The following EPG5 variants were observed in gnomAD, a reference collection of about 807,000 sequenced individuals.
EPG5 encodes the protein ectopic P-granules 5 autophagy tethering factor.
EPG5 carries 159 observed loss-of-function variants against 302.7 expected under a neutral mutation model. The ratio of observed to expected loss-of-function variants is 0.53; its 90% confidence interval spans 0.46 to 0.60. The LOEUF (loss-of-function observed/expected upper bound fraction) is 0.60, where lower values mean the gene tolerates loss of function less well. Among genes scored for constraint, EPG5 ranks in the 20% least tolerant of loss-of-function variants. EPG5 has a pLI of 0.00. For synonymous variants in EPG5, 1,158 were observed against 1,136.8 expected (o/e 1.02, Z -0.37); for missense variants, 2,896 against 3,092.4 (o/e 0.94, Z 1.51).
At chr18:45,866,740 T>G (rs1022068785) in intron 38 of EPG5, 58 bp downstream of exon 38, 39 of 1,358,310 alleles carry the variant, frequency 2.9e-5, no homozygotes, top group Non-Finnish European at 4.0e-5. Flanking sequence ...TTGTAGCACT[T>G]ATGCTGCTAC....
chr18:45,805,064 C>T, the EPG5 span, among the ~76,000 whole-genome samples: 53 of 151,952 alleles, frequency 3.5e-4, no homozygotes, highest in Non-Finnish European at 6.6e-4. Flanking sequence ...TTAGAGCGGA[C>T]ATTGGGTAAA....
At chr18:45,894,676 A>C (rs540196089) in intron 27 of EPG5, among the ~76,000 whole-genome samples, 171 of 152,326 alleles carry the variant, frequency 1.1e-3, no homozygotes, top group Non-Finnish European at 2.1e-3. Flanking sequence ...GAAAGAGGTC[A>C]GAAATGGGTG....
chr18:45,887,978 C>A, intron 28 of EPG5, 71 bp from the exon 29 acceptor site: 7 of 1,187,530 alleles, frequency 5.9e-6, no homozygotes, highest in Non-Finnish European at 7.9e-6. Context: ...TTCTTTGATA[C>A]CCTACAATTT....
intron 5 of EPG5, among the ~76,000 whole-genome samples, chr18:45,948,796 T>A (rs2050842350): frequency 6.6e-6 from 1 of 152,128 alleles, no homozygotes; most frequent in South Asian, 2.1e-4. Context: ...ACCAATTATC[T>A]GTAACAACAT....
chr18:45,899,101 G>C (rs2049545486), intron 27 of EPG5, among the ~76,000 whole-genome samples: 1 of 152,100 alleles, frequency 6.6e-6, no homozygotes, highest in Non-Finnish European at 1.5e-5. Flanking sequence ...CTCCAGCCTG[G>C]GGACTCCGTT....
intron 1 of EPG5, among the ~76,000 whole-genome samples, chr18:45,961,475 C>A (rs1005717374): frequency 3.9e-5 from 6 of 152,200 alleles, no homozygotes; most frequent in Non-Finnish European, 7.3e-5. Context: ...CTTTTCCTGG[C>A]TAGTCCCTCT....
At chr18:45,889,997 G>T in intron 27 of EPG5, 57 bp from the exon 28 acceptor site, 1 of 1,424,894 alleles carries the variant, frequency 7.0e-7, no homozygotes, top group South Asian at 1.4e-5. Context: ...GGTTTCCCAT[G>T]AAGACTCAAA....
Position 45,949,498 on chromosome 18 carries a change from C to G in EPG5, c.1483G>C (p.Val495Leu). ...ATTCATCATACCTGGATAAAAGGAA[C>G]AGCCCATTTACTAACACCAGCGGGG... Reference protein sequence around the residue: ...RCPAGVSKWAVPFIQIKVLHN... With the variant: ...RCPAGVSKWALPFIQIKVLHN... The change falls in exon 5 of 44, where the codon GTT becomes CTT. Residue 495 changes from valine (V) to leucine (L), a missense_variant. By Grantham distance (32) the Val-to-Leu change is conservative. Around this residue, in one of 5 missense-constraint regions of EPG5, gnomAD observed 1,390 missense variants for 1,430.0 expected, o/e 0.97. Transcript: ENST00000282041. 1 of 1,607,708 alleles carries G rather than the reference C, an allele frequency of 6.2e-7. No homozygotes were observed. Among genetic ancestry groups the G allele is most frequent in the Non-Finnish European group, 8.5e-7 (1 of 1,175,106 alleles).
At position 45,944,222 on chromosome 18, in the gene EPG5, T is replaced by C. The variant is rs991998582; in HGVS notation, c.1678-103A>G. The C allele has an allele frequency of 8.2e-5, 58 of 710,110 alleles. 1 individual carries two copies. The highest frequency in any genetic ancestry group is 1.3e-4 in the Non-Finnish European group (52 of 402,132). 44.0% of individuals were successfully genotyped at this position (710,110 alleles called of 1,614,324 possible). A position where few individuals can be genotyped will look rare whatever the true frequency, so the allele number is the denominator to read the frequency against. ...ATCACAGGTCTCAATGGTATACATG[T>C]GATATCCTCATGAGTCTTCATGGAC... On this transcript the variant is annotated intron_variant, in intron 7 of 43. Transcript: ENST00000282041.
Position 45,949,590 on chromosome 18 carries a change from A to G in EPG5, c.1391T>C (p.Val464Ala), listed in dbSNP as rs572513821. 5.4e-5 allele frequency: 86 copies of G among 1,596,580 alleles called. No homozygotes were observed. The South Asian group carries it at 9.1e-4, about 17-fold the overall frequency. Reference sequence around the variant, plus strand: ...ACAGCCAACTCTTTGTAGCACGGATACCTGAACAATAAAGGTCATATGATC... The same window carrying G: ...ACAGCCAACTCTTTGTAGCACGGATGCCTGAACAATAAAGGTCATATGATC... The part of the protein sequence containing the change: ...DDILLWLQKL[V>A]SVLQRVGCPG... Residue 464 changes from valine (V) to alanine (A), a missense_variant and splice_region_variant, in exon 5 of 44, where the codon GTA becomes GCA. By Grantham distance (64) the Val-to-Ala change is moderately conservative. Transcript: ENST00000282041.
chr18:45,860,051 T>C (rs1177651594), intron 40 of EPG5, 53 bp downstream of exon 40: 1 of 1,600,048 alleles, frequency 6.2e-7, no homozygotes. Flanking sequence ...GACAATGCTT[T>C]CATCTTTCTG....
At chr18:45,807,770 C>T in the EPG5 span, among the ~76,000 whole-genome samples, 1 of 152,066 alleles carries the variant, frequency 6.6e-6, no homozygotes, top group East Asian at 1.9e-4. Context: ...CAGAACCTAC[C>T]CAAATGAGAA....
chr18:45,812,841 T>C, the EPG5 span, among the ~76,000 whole-genome samples: 2 of 152,272 alleles, frequency 1.3e-5, no homozygotes, highest in Admixed American at 6.5e-5. Flanking sequence ...GGCAATACCA[T>C]TCAGGACATA....
intron 1 of EPG5, among the ~76,000 whole-genome samples, chr18:45,958,844 C>G (rs983343216): frequency 1.3e-5 from 2 of 152,198 alleles, no homozygotes; most frequent in African/African-American, 4.8e-5. Context: ...CAAGTACCAT[C>G]AAGCTCACAC....
chr18:45,926,644 T>C (rs575535784), intron 13 of EPG5, among the ~76,000 whole-genome samples: 2 of 152,068 alleles, frequency 1.3e-5, no homozygotes, highest in Admixed American at 6.5e-5. Flanking sequence ...CTGGCCAACA[T>C]GGTGAAACCT....
chr18:45,929,107 T>C, intron 12 of EPG5, 98 bp from the exon 13 acceptor site: 2 of 1,274,296 alleles, frequency 1.6e-6, no homozygotes, highest in Non-Finnish European at 2.2e-6. Flanking sequence ...GAAAGAATCT[T>C]ACATTGAGCC....
At chr18:45,839,156 A>ATC in the EPG5 span, 26 of 1,343,016 alleles carry the variant, frequency 1.9e-5, no homozygotes, top group Non-Finnish European at 2.5e-5. Context: ...CTGCTCTTAG[A>ATC]TAAGACCACC....
downstream of EPG5, among the ~76,000 whole-genome samples, chr18:45,846,318 C>G (rs143691551): frequency 6.6e-6 from 1 of 152,046 alleles, no homozygotes; most frequent in East Asian, 1.9e-4. Flanking sequence ...GTCAGGAGTT[C>G]AAGACCAGCC....
chr18:45,813,479 C>T, the EPG5 span, among the ~76,000 whole-genome samples: 9 of 152,122 alleles, frequency 5.9e-5, no homozygotes, highest in Admixed American at 3.3e-4. Flanking sequence ...ATGTTTATTG[C>T]AGCACTATTC....
Sources: gnomAD v4.1 joint callset for allele counts (sites outside exome capture counted in the v4.1 genomes callset) on GRCh38, gnomAD v4.1.1 for gene constraint, gnomAD v4.1.1 regional missense constraint, MANE v1.5 for transcripts, NCBI Gene and HGNC (gene_info 2026-07-23, HGNC 2026-07-21) for gene names.